The following EYA4 variants were observed in gnomAD, a reference collection of about 807,000 sequenced individuals.
The protein encoded by EYA4 is EYA transcriptional coactivator and phosphatase 4.
Under a neutral mutation model 87.9 loss-of-function variants are expected in EYA4, and 31 were observed. The observed-to-expected ratio is 0.35, with a 90% CI of 0.27 to 0.48. The LOEUF (loss-of-function observed/expected upper bound fraction) is 0.48. Among genes scored for constraint, EYA4 ranks in the 20% least tolerant of loss-of-function variants. The pLI is 0.99. For missense variants in EYA4, 678 were observed against 761.4 expected (o/e 0.89, Z 1.29); for synonymous variants, 263 against 270.6 (o/e 0.97, Z 0.28).
intron 11 of EYA4, among the ~76,000 whole-genome samples, chr6:133,477,898 A>G (rs1184780765): frequency 2.0e-5 from 3 of 152,108 alleles, no homozygotes; most frequent in Admixed American, 6.6e-5. Flanking sequence ...TGACAAATCA[A>G]TAAGAAAAAG....
chr6:133,376,018 TATTC>T (rs1375219997), intron 2 of EYA4, among the ~76,000 whole-genome samples: 1 of 151,844 alleles, frequency 6.6e-6, no homozygotes, highest in African/African-American at 2.4e-5. Flanking sequence ...AAATATCACT[TATTC>T]AGTCAGATTC....
rs751251924 is a variant in EYA4 at position 133,464,760 on chromosome 6, A to C, written c.725-19A>C. On this transcript the variant is annotated intron_variant, in intron 9 of 19. Transcript: ENST00000355286. ...TTACAAGGAATACTTTTAAAATGCAATTTGTTTTTTACCTCTAGGTTCTAG... is the reference window on the plus strand; with the variant it reads ...TTACAAGGAATACTTTTAAAATGCACTTTGTTTTTTACCTCTAGGTTCTAG... The C allele has an allele frequency of 2.1e-6, 3 of 1,458,994 alleles. No individual in the cohort carries two copies. The highest frequency in any genetic ancestry group is 2.9e-6 in the Non-Finnish European group (3 of 1,040,460). 90.4% of individuals were successfully genotyped at this position (1,458,994 alleles called of 1,614,324 possible). A position where few individuals can be genotyped will look rare whatever the true frequency, so the allele number is the denominator to read the frequency against.
At chr6:133,445,481 AC>A (rs1792725654) in intron 3 of EYA4, among the ~76,000 whole-genome samples, 1 of 151,176 alleles carries the variant, frequency 6.6e-6, no homozygotes, top group African/African-American at 2.4e-5. Flanking sequence ...AATTCTCTCA[AC>A]TTTTATTGAT....
chr6:133,495,515 A>G (rs892818616), intron 13 of EYA4, among the ~76,000 whole-genome samples: 3 of 149,098 alleles, frequency 2.0e-5, no homozygotes, highest in African/African-American at 7.4e-5. Flanking sequence ...GGGCTGGACC[A>G]GGCAAGGACT....
chr6:133,525,515 A>G (rs1374780315), intron 19 of EYA4, among the ~76,000 whole-genome samples: 1 of 152,170 alleles, frequency 6.6e-6, no homozygotes, highest in Non-Finnish European at 1.5e-5. Context: ...TAGTAAATAT[A>G]TATAGTAACA....
intron 19 of EYA4, among the ~76,000 whole-genome samples, chr6:133,528,287 T>C (rs925760470): frequency 5.3e-5 from 8 of 152,128 alleles, no homozygotes; most frequent in African/African-American, 1.9e-4. Context: ...CTTTTCTTCC[T>C]AGATTAACAA....
At chr6:133,356,681 T>C (rs1784060907) in intron 2 of EYA4, among the ~76,000 whole-genome samples, 1 of 151,932 alleles carries the variant, frequency 6.6e-6, no homozygotes, top group Non-Finnish European at 1.5e-5. Context: ...GAAAGAGTTA[T>C]GAGCATAAGA....
intron 3 of EYA4, among the ~76,000 whole-genome samples, chr6:133,446,375 T>A (rs543783975): frequency 3.9e-5 from 6 of 152,344 alleles, no homozygotes; most frequent in African/African-American, 1.4e-4. Context: ...TGTTATAATA[T>A]GTTATAATAA....
At position 133,254,616 on chromosome 6, in the gene EYA4, C is replaced by T. The variant is rs147064216; in HGVS notation, c.-66+12867C>T. Among the ~76,000 whole-genome samples, 40 of 152,156 alleles carry T rather than the reference C, an allele frequency of 2.6e-4. No individual in the cohort carries two copies. In the East Asian group the frequency reaches 7.3e-3, roughly 28 times the overall value. On this transcript the variant is annotated intron_variant, in intron 1 of 19. Coordinates refer to ENST00000355286, the MANE Select transcript of EYA4 (RefSeq NM_004100.5). The stretch of plus-strand genomic sequence containing the variant: ...TTAAGATTATTGTTTCCAATAGTTT[C>T]AAAAATTGTGGTTTTATTTTCTTGT...
rs1025643320 is a variant in EYA4, at chr6:133,312,378, G to A, written c.33+37565G>A. Among the ~76,000 whole-genome samples, 14 of 139,448 alleles carry A rather than the reference G, an allele frequency of 1.0e-4. 1 individual carries two copies. Among genetic ancestry groups the A allele is most frequent in the South Asian group, 2.3e-4 (1 of 4,324 alleles). The allele number at this position is 139,448 out of a possible 152,430, so 91.5% of individuals were successfully genotyped here. A position where few individuals can be genotyped will look rare whatever the true frequency, so the allele number is the denominator to read the frequency against. On this transcript the variant is annotated intron_variant, in intron 2 of 19. Coordinates refer to ENST00000355286, the MANE Select transcript of EYA4 (RefSeq NM_004100.5). Reference sequence around the variant, plus strand: ...ACTTGTGTGTGTGTGAGAGAGAGGCGCGTGCACACACACACACACACACAC... The same window carrying A: ...ACTTGTGTGTGTGTGAGAGAGAGGCACGTGCACACACACACACACACACAC...
intron 2 of EYA4, among the ~76,000 whole-genome samples, chr6:133,323,125 A>G (rs541828181): frequency 6.6e-6 from 1 of 151,904 alleles, no homozygotes; most frequent in Admixed American, 6.6e-5. Flanking sequence ...TCAAAAACTC[A>G]TGATGAATAA....
rs140324148 is a variant in EYA4, at chr6:133,522,654, A to G, written c.1617-402A>G. Among the ~76,000 whole-genome samples the G allele has an allele frequency of 1.4e-3, 219 of 152,302 alleles. 1 individual carries two copies. Among genetic ancestry groups the G allele is most frequent in the African/African-American group, 5.0e-3 (209 of 41,568 alleles). On this transcript the variant is annotated intron_variant, in intron 17 of 19. Transcript: ENST00000355286. ...TGTTACAAGTATATACAGTGTTTGTAATTTAAAAAGAAATGTAACTCTGAA... is the reference window on the plus strand; with the variant it reads ...TGTTACAAGTATATACAGTGTTTGTGATTTAAAAAGAAATGTAACTCTGAA...
At chr6:133,348,780 T>G (rs1197168478) in intron 2 of EYA4, among the ~76,000 whole-genome samples, 3 of 152,274 alleles carry the variant, frequency 2.0e-5, no homozygotes, top group African/African-American at 7.2e-5. Flanking sequence ...CCAACCTAGC[T>G]CAGAGGTTCA....
chr6:133,478,777 G>A (rs1036576787), intron 11 of EYA4, among the ~76,000 whole-genome samples: 10 of 152,052 alleles, frequency 6.6e-5, no homozygotes, highest in South Asian at 4.1e-4. Flanking sequence ...ACCCAGATAC[G>A]TCCTACAACC....
intron 3 of EYA4, among the ~76,000 whole-genome samples, chr6:133,419,892 A>G (rs76685690): frequency 1.3e-5 from 2 of 152,196 alleles, no homozygotes; most frequent in Non-Finnish European, 2.9e-5. Flanking sequence ...TTATGAATGA[A>G]TGAATAAGAC....
chr6:133,302,498 A>G (rs931695238), intron 2 of EYA4, among the ~76,000 whole-genome samples: 1 of 152,234 alleles, frequency 6.6e-6, no homozygotes, highest in African/African-American at 2.4e-5. Flanking sequence ...TTATTCAGCC[A>G]GAAGCTTTGA....
intron 17 of EYA4, among the ~76,000 whole-genome samples, 183 bp downstream of exon 17, chr6:133,515,618 T>TGTGA (rs1024690764): frequency 9.8e-6 from 1 of 102,126 alleles, no homozygotes; most frequent in Non-Finnish European, 1.8e-5. Flanking sequence ...AGAGTGTGTG[T>TGTGA]GTGAGTGTGT....
At position 133,446,743 on chromosome 6, in the gene EYA4, A is replaced by G. The variant is rs1792883329; in HGVS notation, c.197A>G (p.Asn66Ser). 2.5e-6 allele frequency: 4 copies of G among 1,614,004 alleles called. No homozygotes were observed. Among genetic ancestry groups the G allele is most frequent in the Non-Finnish European group, 3.4e-6 (4 of 1,179,944 alleles). ...SNLSSTSVTT[N>S]GTGGENMTVL... The stretch of plus-strand genomic sequence containing the variant: ...CTCAGCAGCACATCAGTTACTACAA[A>G]TGGGACAGGAGGTAAGTGTACTACC... Residue 66 changes from asparagine (N) to serine (S), a missense_variant, in exon 4 of 20, where the codon AAT (asparagine) becomes AGT (serine). Physicochemically the swap from Asn to Ser is conservative, Grantham distance 46. Transcript: ENST00000355286.
At chr6:133,525,116 G>T in intron 18 of EYA4, 38 bp from the exon 19 acceptor site, 3 of 1,613,642 alleles carry the variant, frequency 1.9e-6, no homozygotes, top group Non-Finnish European at 2.5e-6. Context: ...CGCTAACCAG[G>T]TAACTTCACT....
Sources: allele counts gnomAD v4.1 joint callset (sites outside exome capture counted in the v4.1 genomes callset), GRCh38; gene constraint gnomAD v4.1.1; transcripts MANE v1.5; gene names NCBI Gene and HGNC (gene_info 2026-07-23, HGNC 2026-07-21).